Variants in KCNH5 observed in about 807,000 individuals in gnomAD.
The protein encoded by KCNH5 is potassium voltage-gated channel subfamily H member 5, also known as voltage-gated delayed rectifier potassium channel KCNH5.
Under a neutral mutation model 96.1 loss-of-function variants are expected in KCNH5, and 46 were observed. The ratio of observed to expected loss-of-function variants is 0.48; its 90% CI spans 0.38 to 0.61. The LOEUF (loss-of-function observed/expected upper bound fraction) is 0.61. Among genes scored for constraint, KCNH5 ranks in the 20% least tolerant of loss-of-function variants. The probability of loss-of-function intolerance (pLI) is 0.00; values close to 1 mark genes in which losing one functional copy is unlikely to be tolerated. For missense variants in KCNH5, 907 were observed against 1,225.8 expected (o/e 0.74, Z 3.88); for synonymous variants, 439 against 449.8 (o/e 0.98, Z 0.30).
chr14:62,846,738 G>A (rs982427659), intron 8 of KCNH5, among the ~76,000 whole-genome samples: 5 of 125,168 alleles, frequency 4.0e-5, no homozygotes, highest in African/African-American at 1.5e-4. Context: ...TAATTCTTTT[G>A]TCTATGCTTC....
chr14:62,771,630 CA>C (rs1237516085), intron 10 of KCNH5, among the ~76,000 whole-genome samples: 9 of 151,960 alleles, frequency 5.9e-5, no homozygotes, highest in African/African-American at 2.2e-4. Context: ...GCCTCAAAAA[CA>C]AACAAAAAGA....
At chr14:62,734,204 G>A (rs1378228385) in intron 10 of KCNH5, among the ~76,000 whole-genome samples, 3 of 151,580 alleles carry the variant, frequency 2.0e-5, no homozygotes, top group East Asian at 1.9e-4. Flanking sequence ...ATGATTCATC[G>A]AAAATCACCC....
chr14:63,009,253 AT>A (rs1891182560), intron 2 of KCNH5, among the ~76,000 whole-genome samples: 1 of 152,190 alleles, frequency 6.6e-6, no homozygotes, highest in Non-Finnish European at 1.5e-5. Flanking sequence ...TCTTTGAGGG[AT>A]TGGTTTAATA....
At chr14:63,041,174 C>T (rs1053216331) in intron 1 of KCNH5, among the ~76,000 whole-genome samples, 2 of 152,036 alleles carry the variant, frequency 1.3e-5, no homozygotes, top group Admixed American at 1.3e-4. Flanking sequence ...ATGTGCTGCC[C>T]AAAGACAAAA....
Position 62,981,156 on chromosome 14 carries a change from C to T in KCNH5, c.658G>A (p.Val220Met). Residue 220 changes from valine (V) to methionine (M), a missense_variant, in exon 6 of 11, where the codon GTG becomes ATG. By Grantham distance (21) the Val-to-Met change is conservative (BLOSUM62 1). This residue lies in a region of KCNH5 where 370 missense variants were observed against 561.3 expected (regional missense o/e 0.66). Coordinates refer to ENST00000322893, the MANE Select transcript of KCNH5 (RefSeq NM_139318.5). The stretch of plus-strand genomic sequence containing the variant: ...GTGTAGAAGGTAAGAATTAAAATCA[C>T]CCAATCCCAAGTAGTTTTAAAAGCA... ...YCAFKTTWDW[V>M]ILILTFYTAI... The T allele has an allele frequency of 6.2e-7, 1 of 1,614,108 alleles. No individual in the cohort carries two copies. The highest frequency in any genetic ancestry group is 8.5e-7 in the Non-Finnish European group (1 of 1,180,008).
At chr14:62,716,294 C>T (rs1884682995) in intron 10 of KCNH5, among the ~76,000 whole-genome samples, 1 of 152,156 alleles carries the variant, frequency 6.6e-6, no homozygotes, top group Admixed American at 6.5e-5. Flanking sequence ...AATTGCTCTC[C>T]TTGCCTCAAT....
At chr14:62,960,248 T>C (rs563759127) in intron 6 of KCNH5, among the ~76,000 whole-genome samples, 1 of 152,294 alleles carries the variant, frequency 6.6e-6, no homozygotes, top group East Asian at 1.9e-4. Flanking sequence ...GAACTTTCAC[T>C]TTCTGATCTA....
intron 3 of KCNH5, among the ~76,000 whole-genome samples, chr14:63,003,689 G>A (rs1220042259): frequency 7.2e-6 from 1 of 138,678 alleles, no homozygotes; most frequent in East Asian, 2.1e-4. Context: ...GCACTATCTC[G>A]GCTCACTGCG....
intron 3 of KCNH5, among the ~76,000 whole-genome samples, chr14:63,003,679 G>T (rs552332132): frequency 3.2e-4 from 44 of 139,486 alleles, no homozygotes; most frequent in African/African-American, 1.2e-3. Context: ...AACTGCAGTG[G>T]CACTATCTCG....
At chr14:62,908,782 A>ATTTTTTTTTTTTTTTGTTTTTTTTTTT (rs1889082283) in intron 7 of KCNH5, among the ~76,000 whole-genome samples, 2 of 23,712 alleles carry the variant, frequency 8.4e-5, no homozygotes, top group Non-Finnish European at 7.0e-5. Flanking sequence ...TTTGCTTTGT[A>ATTTTTTTTTTTTTTTGTTTTTTTTTTT]TTTTTTTTTT....
chr14:62,971,585 G>C (rs1488414491), intron 6 of KCNH5, among the ~76,000 whole-genome samples: 2 of 152,046 alleles, frequency 1.3e-5, no homozygotes, highest in African/African-American at 4.8e-5. Context: ...TCAGAAGACT[G>C]ATGCTATATG....
intron 4 of KCNH5, among the ~76,000 whole-genome samples, chr14:62,999,845 C>T (rs555726250): frequency 1.4e-5 from 2 of 147,334 alleles, no homozygotes; most frequent in East Asian, 4.0e-4. Context: ...CACATGTACC[C>T]TAAAACTTAA....
At chr14:63,027,904 A>T (rs111417250) in intron 1 of KCNH5, among the ~76,000 whole-genome samples, 7 of 152,256 alleles carry the variant, frequency 4.6e-5, no homozygotes, top group Non-Finnish European at 8.8e-5. Context: ...ACATATGTGC[A>T]GACATGTATA....
At chr14:63,013,832 CT>C (rs1377824199) in intron 2 of KCNH5, among the ~76,000 whole-genome samples, 8 of 152,008 alleles carry the variant, frequency 5.3e-5, no homozygotes, top group Non-Finnish European at 1.5e-5. Context: ...AGCTAAACTT[CT>C]ACTACTGGAT....
chr14:62,876,253 A>G (rs79519787), intron 7 of KCNH5, among the ~76,000 whole-genome samples: 7,639 of 152,312 alleles, frequency 0.05, 643 homozygotes, highest in African/African-American at 0.17. Flanking sequence ...AGTTGATAAC[A>G]TATTTAATAG....
intron 8 of KCNH5, among the ~76,000 whole-genome samples, chr14:62,806,600 G>C (rs1390372333): frequency 2.0e-5 from 3 of 152,096 alleles, no homozygotes; most frequent in Non-Finnish European, 4.4e-5. Context: ...TTGGGTAAGT[G>C]GTGGGCAACC....
chr14:63,016,866 A>C lies in KCNH5; in HGVS notation c.162T>G (p.His54Gln). Residue 54 changes from histidine (H) to glutamine (Q), a missense_variant, in exon 2 of 11, where the codon CAT (histidine) becomes CAG (glutamine). Coordinates refer to ENST00000322893, the MANE Select transcript of KCNH5 (RefSeq NM_139318.5). ...NDGFCKLSGY[H>Q]RADVMQKSST... Reference sequence around the variant, plus strand: ...TGCTTTTCTGCATGACGTCAGCTCGATGATATCCAGAGAGTTTACAAAAAC... The same window carrying C: ...TGCTTTTCTGCATGACGTCAGCTCGCTGATATCCAGAGAGTTTACAAAAAC... 6.2e-7 allele frequency: 1 copy of C among 1,611,904 alleles called. No homozygotes were observed. The highest frequency in any genetic ancestry group is 8.5e-7 in the Non-Finnish European group (1 of 1,178,614).
At chr14:62,864,460 A>T (rs1420260957) in intron 7 of KCNH5, among the ~76,000 whole-genome samples, 2 of 147,936 alleles carry the variant, frequency 1.4e-5, no homozygotes, top group Non-Finnish European at 3.0e-5. Flanking sequence ...GACTAAGCTG[A>T]CCTGAGGCTT....
rs1891667991 is a variant in KCNH5 at position 63,033,557 on chromosome 14, T to C, written c.73+11557A>G. ...AAATGCTTACCACAATTTGTAATTA[T>C]ATATTTGATGTAGGCTTGGTGAACG... On this transcript the variant is annotated intron_variant, in intron 1 of 10. Coordinates refer to ENST00000322893, the MANE Select transcript of KCNH5 (RefSeq NM_139318.5). Among the ~76,000 whole-genome samples the C allele has an allele frequency of 2.0e-5, 3 of 152,348 alleles. No homozygotes were observed. In the South Asian group the frequency reaches 6.2e-4, roughly 32 times the overall value.
Sources: gnomAD v4.1 joint callset for allele counts (sites outside exome capture counted in the v4.1 genomes callset) on GRCh38, gnomAD v4.1.1 for gene constraint, gnomAD v4.1.1 regional missense constraint, MANE v1.5 for transcripts, NCBI Gene and HGNC (gene_info 2026-07-23, HGNC 2026-07-21) for gene names.